Variants in FGF13 observed in about 807,000 individuals in gnomAD.
FGF13 encodes the protein fibroblast growth factor homologous factor 2.
A neutral mutation model predicts 19.5 loss-of-function variants in FGF13; 2 were observed. The observed-to-expected ratio is 0.10, with a 90% confidence interval of 0.04 to 0.32. FGF13 has a LOEUF of 0.32. Ranked by LOEUF, FGF13 falls within the 10% of genes least tolerant of loss-of-function variation. The pLI is 1.00. For synonymous variants in FGF13, 72 were observed against 76.9 expected (o/e 0.94, Z 0.33); for missense variants, 113 against 192.7 (o/e 0.59, Z 2.45).
Position 138,752,560 on chromosome X carries a change from G to A in FGF13, c.218-43632C>T, listed in dbSNP as rs143262173. On this transcript the variant is annotated intron_variant, in intron 3 of 6. Coordinates refer to the FGF13 transcript ENST00000436198. ...ATGAAATATATTAGTAGATATATACGTATGTATAATTTAGACATACATAAA... is the reference window on the plus strand; with the variant it reads ...ATGAAATATATTAGTAGATATATACATATGTATAATTTAGACATACATAAA... Among the ~76,000 whole-genome samples, 1,052 of 112,368 alleles carry A rather than the reference G, an allele frequency of 9.4e-3. 12 individuals are homozygous for A. The highest frequency in any genetic ancestry group is 0.032 in the African/African-American group (979 of 30,985).
intron 1 of FGF13, among the ~76,000 whole-genome samples, chrX:139,154,399 C>G (rs781084341): frequency 8.9e-6 from 1 of 111,765 alleles, no homozygotes; most frequent in Admixed American, 9.5e-5. Flanking sequence ...AACTCCAAAT[C>G]AGCAACAGGG....
In FGF13 at chrX:138,997,322, G is replaced by A. The variant is rs150462281; in HGVS notation, c.-112-132672C>T. On this transcript the variant is annotated intron_variant, in intron 1 of 2. Coordinates refer to the FGF13 transcript ENST00000421460. ...CGCCAGCAAGGGAACAAAACTGGAC[G>A]GAGAATGATTTTGATGAACTGAGAG... Among the ~76,000 whole-genome samples, 539 of 111,781 alleles carry A rather than the reference G, an allele frequency of 4.8e-3. 1 individual carries two copies. The highest frequency in any genetic ancestry group is 0.016 in the African/African-American group (502 of 30,673).
At chrX:138,710,705 C>A (rs916817583) in intron 1 of FGF13, 112 bp downstream of exon 1, 8 of 1,126,740 alleles carry the variant, frequency 7.1e-6, no homozygotes, top group Non-Finnish European at 8.2e-6. Context: ...TAGGTGGCCT[C>A]TTCTGCACAA....
At chrX:139,004,490 C>T (rs902261803) in intron 1 of FGF13, among the ~76,000 whole-genome samples, 1 of 112,492 alleles carries the variant, frequency 8.9e-6, no homozygotes, top group Admixed American at 9.3e-5. Context: ...CAGTGGTGGG[C>T]TGAAGGGCTC....
intron 1 of FGF13, among the ~76,000 whole-genome samples, chrX:138,906,228 T>G (rs757824849): frequency 8.9e-6 from 1 of 112,094 alleles, no homozygotes; most frequent in Admixed American, 9.5e-5. Flanking sequence ...CTAATTTTCC[T>G]TAAATGTAAA....
At chrX:139,115,427 G>C (rs1052736245) in intron 1 of FGF13, among the ~76,000 whole-genome samples, 3 of 111,854 alleles carry the variant, frequency 2.7e-5, no homozygotes, top group Non-Finnish European at 5.6e-5. Context: ...TGAATTATAT[G>C]GTAAGCAAGC....
chrX:139,160,723 TG>T (rs1173097511), intron 1 of FGF13, among the ~76,000 whole-genome samples: 2 of 111,973 alleles, frequency 1.8e-5, no homozygotes, highest in Admixed American at 9.5e-5. Flanking sequence ...AACACCTCTA[TG>T]CAAATAAACT....
chrX:138,800,649 G>T (rs1191974116), intron 3 of FGF13, among the ~76,000 whole-genome samples: 2 of 111,756 alleles, frequency 1.8e-5, no homozygotes, highest in South Asian at 7.6e-4. Context: ...AGTTCTCCTG[G>T]ATAATATCCT....
intron 3 of FGF13, among the ~76,000 whole-genome samples, chrX:138,784,830 A>G (rs2090679885): frequency 9.0e-6 from 1 of 111,500 alleles, no homozygotes; most frequent in African/African-American, 3.3e-5. Context: ...TCCCTCCATC[A>G]CACACATCTG....
At chrX:138,890,221 G>A (rs745787580) in intron 1 of FGF13, among the ~76,000 whole-genome samples, 21 of 111,491 alleles carry the variant, frequency 1.9e-4, no homozygotes, top group Non-Finnish European at 2.3e-4. Context: ...GAGCCACCAC[G>A]CCCGGCCTGA....
At chrX:139,162,868 C>T (rs1000628761) in intron 1 of FGF13, among the ~76,000 whole-genome samples, 1 of 111,823 alleles carries the variant, frequency 8.9e-6, no homozygotes, top group Non-Finnish European at 1.9e-5. Flanking sequence ...GTTAGAATGG[C>T]GATCATTAAA....
In FGF13 at chrX:138,881,420, C is replaced by T. The variant is rs191786361; in HGVS notation, c.-112-16770G>A. Among the ~76,000 whole-genome samples the T allele has an allele frequency of 4.8e-3, 535 of 111,762 alleles. 1 individual carries two copies. Among genetic ancestry groups the T allele is most frequent in the Non-Finnish European group, 7.7e-3 (410 of 53,040 alleles). The stretch of plus-strand genomic sequence containing the variant: ...AATTTTGTAGCAGGGTAATCTTGGC[C>T]TCAGTGAATGAATTAGGAAGTGTTC... On this transcript the variant is annotated intron_variant, in intron 1 of 2. Coordinates refer to the FGF13 transcript ENST00000421460.
intron 1 of FGF13, among the ~76,000 whole-genome samples, chrX:138,992,759 A>C (rs2092022767): frequency 1.8e-5 from 2 of 112,121 alleles, no homozygotes; most frequent in Admixed American, 1.9e-4. Context: ...TGTAGTTAAG[A>C]AATGTTGATG....
intron 3 of FGF13, among the ~76,000 whole-genome samples, chrX:138,837,838 C>T (rs2091123298): frequency 8.9e-6 from 1 of 112,557 alleles, no homozygotes; most frequent in Admixed American, 9.4e-5. Flanking sequence ...GCAGCCTGCC[C>T]CTCACTCTGG....
intron 1 of FGF13, among the ~76,000 whole-genome samples, chrX:139,048,563 G>GT (rs754951194): frequency 0.019 from 1,701 of 88,621 alleles, 52 homozygotes; most frequent in African/African-American, 0.056. Flanking sequence ...TACAGCTCTT[G>GT]TTTTTTTTTT....
chrX:139,186,391 A>G (rs1477635250), intron 1 of FGF13, among the ~76,000 whole-genome samples: 3 of 111,433 alleles, frequency 2.7e-5, no homozygotes, highest in East Asian at 5.7e-4. Context: ...ATCTACCCCA[A>G]TTCCTGGATA....
At chrX:139,085,081 G>A (rs2083395247) in intron 1 of FGF13, among the ~76,000 whole-genome samples, 1 of 111,988 alleles carries the variant, frequency 8.9e-6, no homozygotes, top group African/African-American at 3.3e-5. Flanking sequence ...GAGGAAGCCA[G>A]CCTAGACTAG....
chrX:138,992,287 T>C (rs2092019972), intron 1 of FGF13, among the ~76,000 whole-genome samples: 2 of 111,937 alleles, frequency 1.8e-5, no homozygotes, highest in Non-Finnish European at 3.8e-5. Context: ...CAGTTGTCTT[T>C]CAATTTTGTT....
chrX:139,136,999 T>C (rs1368032835), intron 1 of FGF13, among the ~76,000 whole-genome samples: 1 of 112,100 alleles, frequency 8.9e-6, no homozygotes, highest in East Asian at 2.8e-4. Context: ...TGCTAACTCT[T>C]TTCTGCACAA....
Sources: allele counts gnomAD v4.1 joint callset (sites outside exome capture counted in the v4.1 genomes callset), GRCh38; gene constraint gnomAD v4.1.1; transcripts MANE v1.5; gene names NCBI Gene and HGNC (gene_info 2026-07-23, HGNC 2026-07-21).